USP34: variants seen among roughly 807,000 people sequenced by gnomAD.
USP34 encodes the protein ubiquitin carboxyl-terminal hydrolase 34.
A neutral mutation model predicts 460.3 loss-of-function variants in USP34; 70 were observed. The observed-to-expected ratio is 0.15, with a 90% CI of 0.13 to 0.19. The LOEUF (loss-of-function observed/expected upper bound fraction) is 0.19, where lower values mean the gene tolerates loss of function less well. USP34 is among the 10% of genes least tolerant of loss of function. The pLI is 1.00. For synonymous variants in USP34, 1,647 were observed against 1,405.3 expected, an observed-to-expected ratio of 1.17 and a Z score of -3.85; for missense variants, 3,985 against 4,236.2, an observed-to-expected ratio of 0.94 and a Z score of 1.65.
At chr2:61,354,446 A>G (rs1158470684) in intron 10 of USP34, among the ~76,000 whole-genome samples, 1 of 152,240 alleles carries the variant, frequency 6.6e-6, no homozygotes, top group Admixed American at 6.5e-5. Flanking sequence ...CGCAGAAAAA[A>G]GCTGAAGGAG....
intron 15 of USP34, among the ~76,000 whole-genome samples, chr2:61,346,607 A>C (rs116113969): frequency 6.9e-6 from 1 of 144,030 alleles, no homozygotes; most frequent in Non-Finnish European, 1.5e-5. Context: ...AGGCCGAATC[A>C]TAAGGTCAGG....
chr2:61,273,574 T>C (rs892354231), intron 41 of USP34, among the ~76,000 whole-genome samples: 1 of 151,966 alleles, frequency 6.6e-6, no homozygotes, highest in African/African-American at 2.4e-5. Context: ...TAAAATTAGC[T>C]GGGTGTGGTG....
intron 8 of USP34, among the ~76,000 whole-genome samples, chr2:61,374,191 G>A (rs1248357981): frequency 2.0e-5 from 3 of 150,288 alleles, no homozygotes; most frequent in Non-Finnish European, 4.4e-5. Context: ...GAGAAAATGA[G>A]GTTCAGAAGT....
intron 19 of USP34, among the ~76,000 whole-genome samples, chr2:61,333,408 T>TA (rs1691328501): frequency 6.6e-6 from 1 of 152,104 alleles, no homozygotes; most frequent in Non-Finnish European, 1.5e-5. Context: ...TTGAGTGTCC[T>TA]ACTGATGCTC....
chr2:61,288,815 G>C lies in USP34; in HGVS notation c.4611C>G (p.Ser1537=), dbSNP rs757392275. The C allele has an allele frequency of 6.2e-7, 1 of 1,613,754 alleles. No homozygotes were observed. Among genetic ancestry groups the C allele is most frequent in the Non-Finnish European group, 8.5e-7 (1 of 1,179,940 alleles). The part of the protein sequence containing the change: ...KLICQFAVDP[S]DLDLAYHDVF... ...CATCATGATAAGCTAAATCCAAATC[G>C]GATGGATCTACTGCAAACTGGCATA... is the stretch of plus-strand genomic sequence containing the variant. The change falls in exon 34 of 80, where the codon TCC becomes TCG. Residue 1537 remains serine, a synonymous_variant. Transcript: ENST00000398571.
chr2:61,203,051 A>C (rs1687020267), intron 75 of USP34, 89 bp downstream of exon 75: 1 of 1,302,620 alleles, frequency 7.7e-7, no homozygotes, highest in Non-Finnish European at 1.0e-6. Context: ...AAAGAAAAAA[A>C]GGATTGTCTC....
intron 49 of USP34, among the ~76,000 whole-genome samples, chr2:61,247,127 A>G (rs938232082): frequency 2.0e-5 from 3 of 152,236 alleles, no homozygotes; most frequent in Non-Finnish European, 2.9e-5. Context: ...GATTTAAAAT[A>G]TAAAGGTAAT....
intron 75 of USP34, among the ~76,000 whole-genome samples, chr2:61,201,448 C>T (rs532759867): frequency 4.1e-4 from 62 of 152,178 alleles, no homozygotes; most frequent in African/African-American, 1.4e-3. Context: ...CTCTTGACCT[C>T]GTGATCCGCC....
At chr2:61,312,039 ACAG>A in intron 25 of USP34, 129 bp from the exon 26 acceptor site, 1 of 1,119,872 alleles carries the variant, frequency 8.9e-7, no homozygotes, top group East Asian at 2.8e-5. Context: ...AATGTATTCT[ACAG>A]CAACAAATTT....
chr2:61,307,910 A>G (rs1304190654), intron 27 of USP34, among the ~76,000 whole-genome samples: 1 of 152,088 alleles, frequency 6.6e-6, no homozygotes, highest in Non-Finnish European at 1.5e-5. Context: ...TCAGCTGGGC[A>G]TGATGGCCGG....
intron 2 of USP34, among the ~76,000 whole-genome samples, chr2:61,408,578 A>T (rs1693948705): frequency 1.3e-5 from 2 of 152,066 alleles, no homozygotes; most frequent in South Asian, 2.1e-4. Flanking sequence ...TTTTCCTTTG[A>T]TGTTTAGGAA....
chr2:61,210,735 TGA>T (rs1322445146), intron 69 of USP34, among the ~76,000 whole-genome samples: 1 of 152,134 alleles, frequency 6.6e-6, no homozygotes, highest in Non-Finnish European at 1.5e-5. Flanking sequence ...TTTCTTTTTT[TGA>T]GACTCGCTCT....
chr2:61,195,164 A>T lies in USP34; in HGVS notation c.9509-2184T>A, dbSNP rs533447145. Among the ~76,000 whole-genome samples the T allele has an allele frequency of 2.0e-5, 3 of 151,596 alleles. No homozygotes were observed. The East Asian group carries it at 5.9e-4, about 30-fold the overall frequency. On this transcript the variant is annotated intron_variant, in intron 75 of 79. Coordinates refer to ENST00000398571, the MANE Select transcript of USP34 (RefSeq NM_014709.4). ...GAACCCGTAAGGCAGAGGTTGCAGTAAGCCAAGATTATGCAACTGCACTCC... is the reference window on the plus strand; with the variant it reads ...GAACCCGTAAGGCAGAGGTTGCAGTTAGCCAAGATTATGCAACTGCACTCC...
chr2:61,350,310 C>G lies in USP34; in HGVS notation c.1457G>C (p.Ser486Thr). The change falls in exon 12 of 80, where the codon AGT becomes ACT. Residue 486 changes from serine to threonine, a missense_variant. This residue lies in a region of USP34 where 716 missense variants were observed against 626.2 expected (regional missense o/e 1.14). Coordinates refer to ENST00000398571, the MANE Select transcript of USP34 (RefSeq NM_014709.4). ...LAAKAQLSKQ[S>T]SFASLLNTNI... ...AGTATTTAATAAAGATGCAAAAGAA[C>G]TCTGTTTAGATAACTGAGCCTTAGC... The G allele has an allele frequency of 6.2e-7, 1 of 1,612,984 alleles. No homozygotes were observed. Among genetic ancestry groups the G allele is most frequent in the South Asian group, 1.1e-5 (1 of 90,924 alleles).
At chr2:61,250,781 G>A (rs944488278) in intron 48 of USP34, among the ~76,000 whole-genome samples, 2 of 152,156 alleles carry the variant, frequency 1.3e-5, no homozygotes, top group African/African-American at 2.4e-5. Flanking sequence ...TCAAAGAATA[G>A]ACACTAAAAT....
intron 19 of USP34, among the ~76,000 whole-genome samples, chr2:61,333,264 T>C (rs1691323422): frequency 6.6e-6 from 1 of 152,054 alleles, no homozygotes; most frequent in African/African-American, 2.4e-5. Context: ...TAGTTGAATA[T>C]CCCTTATCCA....
At chr2:61,460,508 T>C (rs1695566555) in intron 1 of USP34, among the ~76,000 whole-genome samples, 2 of 152,148 alleles carry the variant, frequency 1.3e-5, no homozygotes, top group South Asian at 4.1e-4. Context: ...GAAAAGCTTA[T>C]TTGAAGTGAA....
intron 78 of USP34, chr2:61,189,732 G>A (rs1207319485): frequency 2.6e-5 from 4 of 152,494 alleles, no homozygotes; most frequent in Non-Finnish European, 4.4e-5. Flanking sequence ...AATTCTGATG[G>A]ATGTCACAAA....
intron 41 of USP34, among the ~76,000 whole-genome samples, chr2:61,272,413 A>G (rs72811494): frequency 0.15 from 22,132 of 149,016 alleles, 1,817 homozygotes; most frequent in South Asian, 0.35. Context: ...CCCATCTCAA[A>G]AAAAAAAAAA....
Sources: gnomAD v4.1 joint callset for allele counts (sites outside exome capture counted in the v4.1 genomes callset) on GRCh38, gnomAD v4.1.1 for gene constraint, gnomAD v4.1.1 regional missense constraint, MANE v1.5 for transcripts, NCBI Gene and HGNC (gene_info 2026-07-23, HGNC 2026-07-21) for gene names.